NAT14: variants seen among roughly 807,000 people sequenced by gnomAD.
NAT14 encodes the protein probable N-acetyltransferase 14.
Under a neutral mutation model 12.1 loss-of-function variants are expected in NAT14, and 14 were observed. The ratio of observed to expected loss-of-function variants is 1.16; its 90% CI spans 0.76 to 1.81. NAT14 has a LOEUF of 1.81. NAT14 is among the 40% of genes most tolerant of loss of function. The probability of loss-of-function intolerance (pLI) is 0.00; values close to 1 mark genes in which losing one functional copy is unlikely to be tolerated. For synonymous variants in NAT14, 156 were observed against 145.1 expected, an observed-to-expected ratio of 1.08 and a Z score of -0.54; for missense variants, 341 against 304.3, an observed-to-expected ratio of 1.12 and a Z score of -0.90.
intron 2 of NAT14, 106 bp from the exon 3 acceptor site, chr19:55,486,302 C>T: frequency 7.3e-7 from 1 of 1,370,056 alleles, no homozygotes; most frequent in Non-Finnish European, 9.4e-7. Context: ...GCTGCCTTCC[C>T]TTCCCATTTG....
At chr19:55,486,300 C>G in intron 2 of NAT14, 108 bp from the exon 3 acceptor site, 1 of 1,362,868 alleles carries the variant, frequency 7.3e-7, no homozygotes, top group Non-Finnish European at 9.5e-7. Flanking sequence ...GTGCTGCCTT[C>G]CCTTCCCATT....
chr19:55,486,047 G>A, intron 2 of NAT14: 1 of 591,176 alleles, frequency 1.7e-6, no homozygotes. Context: ...ACAACAGCCA[G>A]CTCTGTGCCT....
In NAT14 at chr19:55,486,904, G is replaced by A. The variant is rs762344337; in HGVS notation, c.569G>A (p.Gly190Asp). Residue 190 changes from glycine to aspartate, a missense_variant, in exon 3 of 3, where the codon GGC becomes GAC. Transcript: ENST00000205194. ...LEGCGYQAEG[G>D]WGCLGYTLVR... ...GGCTGTGGCTACCAGGCCGAGGGGG[G>A]CTGGGGCTGCCTGGGCTACACGCTG... The A allele has an allele frequency of 3.9e-6, 6 of 1,557,568 alleles. No homozygotes were observed. The highest frequency in any genetic ancestry group is 2.7e-5 in the African/African-American group (2 of 73,770).
rs558941162 is a variant in NAT14 at position 55,485,967 on chromosome 19, C to T, written c.72+187C>T. ...TGTGGCAGGTGGGGGCTCACCCCCC[C>T]AGCCCTACTGGGACCCCAGCACCAA... On this transcript the variant is annotated intron_variant, in intron 2 of 2. Coordinates refer to ENST00000205194, the MANE Select transcript of NAT14 (RefSeq NM_020378.4). The T allele has an allele frequency of 9.7e-6, 6 of 620,282 alleles. No homozygotes were observed. The Admixed American group carries it at 1.1e-4, about 12-fold the overall frequency. 38.4% of individuals were successfully genotyped at this position (620,282 alleles called of 1,614,324 possible).
chr19:55,485,901 T>C (rs1236588027), intron 2 of NAT14, 121 bp downstream of exon 2: 2 of 796,424 alleles, frequency 2.5e-6, no homozygotes, highest in Non-Finnish European at 4.2e-6. Flanking sequence ...GATCTTTTCC[T>C]CCTGAGCCTC....
In NAT14 at chr19:55,486,954, T is replaced by A; in HGVS notation, c.619T>A (p.Ter207ArgextTer60). ...GGTGAGGGAATTCAGCAAAGACCTG[T>A]GAAGCTACAGACTGACAGCCAGGGC... ...TLVREFSKDL[*>R] The change falls in exon 3 of 3, where the codon TGA becomes AGA. Residue 207 changes from the stop codon to arginine (R), a stop_lost. Coordinates refer to ENST00000205194, the MANE Select transcript of NAT14 (RefSeq NM_020378.4). 1 of 1,555,488 alleles carries A rather than the reference T, an allele frequency of 6.4e-7. No individual in the cohort carries two copies. Among genetic ancestry groups the A allele is most frequent in the Non-Finnish European group, 8.6e-7 (1 of 1,158,832 alleles).
At chr19:55,485,891 G>C (rs919176044) in intron 2 of NAT14, 111 bp downstream of exon 2, 5 of 860,692 alleles carry the variant, frequency 5.8e-6, no homozygotes, top group Non-Finnish European at 7.5e-6. Flanking sequence ...CCTGGAGCGG[G>C]ATCTTTTCCT....
At position 55,486,731 on chromosome 19, in the gene NAT14, CT is replaced by C. The variant is rs1986930756; in HGVS notation, c.397del (p.Trp133GlyfsTer67). ...GGGTCACCCGCCTGTCTGTCTCTCG[CT>C]GGCACCGCCGCCGGGGCGTGGGCAG... is the stretch of plus-strand genomic sequence containing the variant. ...ARVTRLSVSR[W>X]HRRRGVGRRL... On this transcript the variant is annotated frameshift_variant, in exon 3 of 3. Transcript: ENST00000205194. LOFTEE classifies it high-confidence loss of function. 7.1e-7 allele frequency: 1 copy of C among 1,415,792 alleles called. No homozygotes were observed. The highest frequency in any genetic ancestry group is 2.8e-5 in the East Asian group (1 of 35,356). 87.7% of individuals were successfully genotyped at this position (1,415,792 alleles called of 1,614,324 possible). A position where few individuals can be genotyped will look rare whatever the true frequency, so the allele number is the denominator to read the frequency against.
intron 2 of NAT14, 30 bp from the exon 3 acceptor site, chr19:55,486,378 G>C: frequency 1.4e-6 from 2 of 1,415,846 alleles, no homozygotes; most frequent in Non-Finnish European, 1.8e-6. Context: ...CTAGCGTTTC[G>C]GATGGCTGAG....
At position 55,487,424 on chromosome 19, in the gene NAT14, T is replaced by C; in HGVS notation, c.*468T>C. 2.5e-6 allele frequency: 1 copy of C among 402,502 alleles called. No homozygotes were observed. The highest frequency in any genetic ancestry group is 3.6e-5 in the East Asian group (1 of 28,078). 24.9% of individuals were successfully genotyped at this position (402,502 alleles called of 1,614,324 possible). On this transcript the variant is annotated 3_prime_UTR_variant, in exon 3 of 3. Transcript: ENST00000205194. Reference sequence around the variant, plus strand: ...ATGCCTGTCCTTGGAGGGGACAAGGTTGACTGCTTAGGAGGCGCGACGCAC... The same window carrying C: ...ATGCCTGTCCTTGGAGGGGACAAGGCTGACTGCTTAGGAGGCGCGACGCAC...
At chr19:55,485,959 C>T (rs1986902383) in intron 2 of NAT14, 179 bp downstream of exon 2, 2 of 629,234 alleles carry the variant, frequency 3.2e-6, no homozygotes, top group South Asian at 1.8e-5. Flanking sequence ...GGTGGGGGCT[C>T]ACCCCCCCAG....
At chr19:55,485,347 CGTTCTCTGGCAT>C (rs902752564) in intron 1 of NAT14, 89 bp downstream of exon 1, 3 of 245,788 alleles carry the variant, frequency 1.2e-5, no homozygotes, top group African/African-American at 6.6e-5. Context: ...GAGCGTGGTC[CGTTCTCTGGCAT>C]GTGGGGAGGG....
rs1986964970 is a variant in NAT14, at chr19:55,487,523, C to G, written c.*567C>G. 2.5e-6 allele frequency: 1 copy of G among 394,676 alleles called. No homozygotes were observed. The highest frequency in any genetic ancestry group is 2.1e-5 in the African/African-American group (1 of 48,542). 24.4% of individuals were successfully genotyped at this position (394,676 alleles called of 1,614,324 possible). A position where few individuals can be genotyped will look rare whatever the true frequency, so the allele number is the denominator to read the frequency against. ...GGCAGCCCTGTCCCTTCCTCCAGAT[C>G]CGTCTGGTTTTTTACACCGTTTGTT... On this transcript the variant is annotated 3_prime_UTR_variant, in exon 3 of 3. Transcript: ENST00000205194.
At chr19:55,486,162 TG>T in intron 2 of NAT14, 1 of 582,394 alleles carries the variant, frequency 1.7e-6, no homozygotes, top group Non-Finnish European at 2.9e-6. Context: ...CTTACTTCCC[TG>T]GGGCCTCACT....
In NAT14 at chr19:55,486,901, G is replaced by C. The variant is rs764638183; in HGVS notation, c.566G>C (p.Gly189Ala). ...GAGGGCTGTGGCTACCAGGCCGAGG[G>C]GGGCTGGGGCTGCCTGGGCTACACG... ...MLEGCGYQAE[G>A]GWGCLGYTLV... Residue 189 changes from glycine to alanine, a missense_variant, in exon 3 of 3, where the codon GGG becomes GCG. Gly to Ala is a moderately conservative substitution (Grantham distance 60). Coordinates refer to ENST00000205194, the MANE Select transcript of NAT14 (RefSeq NM_020378.4). 66 of 1,556,620 alleles carry C rather than the reference G, an allele frequency of 4.2e-5. 1 individual carries two copies. The South Asian group carries it at 6.3e-4, about 15-fold the overall frequency.
chr19:55,486,941 C>A lies in NAT14; in HGVS notation c.606C>A (p.Phe202Leu). 6.4e-7 allele frequency: 1 copy of A among 1,562,376 alleles called. No homozygotes were observed. Among genetic ancestry groups the A allele is most frequent in the Non-Finnish European group, 8.6e-7 (1 of 1,162,096 alleles). The change falls in exon 3 of 3, where the codon TTC becomes TTA. Residue 202 changes from phenylalanine to leucine, a missense_variant. Phe to Leu is a conservative substitution (Grantham distance 22). Coordinates refer to ENST00000205194, the MANE Select transcript of NAT14 (RefSeq NM_020378.4). ...TGGGCTACACGCTGGTGAGGGAATT[C>A]AGCAAAGACCTGTGAAGCTACAGAC... Reference protein sequence around the residue: ...GCLGYTLVREFSKDL With the variant: ...GCLGYTLVRELSKDL
intron 2 of NAT14, chr19:55,486,141 A>C (rs1599905669): frequency 3.6e-6 from 2 of 560,070 alleles, no homozygotes; most frequent in East Asian, 2.9e-5. Context: ...GCCTGAGGCA[A>C]CCTCCCTGTC....
rs749834509 is a variant in NAT14 at position 55,486,510 on chromosome 19, C to G, written c.175C>G (p.Leu59Val). 1.9e-6 allele frequency: 3 copies of G among 1,585,618 alleles called. No homozygotes were observed. Among genetic ancestry groups the G allele is most frequent in the East Asian group, 4.6e-5 (2 of 43,388 alleles). Residue 59 changes from leucine to valine, a missense_variant, in exon 3 of 3, where the codon CTG becomes GTG. Leu to Val is a conservative substitution (Grantham distance 32, BLOSUM62 1). Transcript: ENST00000205194. ...AAASSGLRFV[L>V]ASFALALLLP... ...GGCCAGCAGCGGCCTGCGCTTTGTC[C>G]TGGCTTCCTTCGCCCTGGCCCTCCT...
Position 55,486,692 on chromosome 19 carries a change from A to C in NAT14, c.357A>C (p.Ala119=), listed in dbSNP as rs547547322. ...GVLALAPGTN[A]GDGARVTRLS... is the part of the protein sequence containing the mutation. ...TGGCTCTGGCCCCTGGCACAAATGC[A>C]GGGGACGGGGCCCGGGTCACCCGCC... Residue 119 remains alanine, a synonymous_variant, in exon 3 of 3, where the codon GCA becomes GCC. Coordinates refer to ENST00000205194, the MANE Select transcript of NAT14 (RefSeq NM_020378.4). The C allele has an allele frequency of 4.8e-5, 68 of 1,429,508 alleles. No individual in the cohort carries two copies. In the African/African-American group the frequency reaches 9.7e-4, roughly 20 times the overall value. 88.6% of individuals were successfully genotyped at this position (1,429,508 alleles called of 1,614,324 possible). A position where few individuals can be genotyped will look rare whatever the true frequency, so the allele number is the denominator to read the frequency against.
Sources: allele counts gnomAD v4.1 joint callset, GRCh38; gene constraint gnomAD v4.1.1; transcripts MANE v1.5; gene names NCBI Gene and HGNC (gene_info 2026-07-23, HGNC 2026-07-21).